The following EDEM3 variants were observed in gnomAD, a reference collection of about 807,000 sequenced individuals.
EDEM3 encodes the protein ER degradation-enhancing alpha-mannosidase-like protein 3.
Under a neutral mutation model 110.2 loss-of-function variants are expected in EDEM3, and 60 were observed. The observed-to-expected ratio is 0.54, with a 90% CI of 0.44 to 0.67. EDEM3 has a LOEUF of 0.67. EDEM3 is among the 30% of genes least tolerant of loss of function. EDEM3 has a pLI of 0.00. For missense variants in EDEM3, 996 were observed against 1,121.0 expected (o/e 0.89, Z 1.59); for synonymous variants, 352 against 382.9 (o/e 0.92, Z 0.94).
chr1:184,750,578 T>C (rs545618524), intron 1 of EDEM3, among the ~76,000 whole-genome samples: 20 of 150,864 alleles, frequency 1.3e-4, no homozygotes, highest in African/African-American at 4.9e-4. Flanking sequence ...AGTGGCACGA[T>C]CTCAGCTCAC....
chr1:184,732,766 G>C (rs1651596963), intron 6 of EDEM3, 71 bp downstream of exon 6: 1 of 1,457,350 alleles, frequency 6.9e-7, no homozygotes, highest in South Asian at 1.4e-5. Flanking sequence ...CAATGGCTCT[G>C]ATCACAAAAC....
At chr1:184,738,587 G>T (rs1441028729) in intron 2 of EDEM3, among the ~76,000 whole-genome samples, 1 of 149,624 alleles carries the variant, frequency 6.7e-6, no homozygotes, top group African/African-American at 2.5e-5. Flanking sequence ...CTAATTTTTG[G>T]TAAATGCTAC....
At chr1:184,724,202 C>G (rs74458677) in intron 7 of EDEM3, among the ~76,000 whole-genome samples, 1,727 of 152,020 alleles carry the variant, frequency 0.011, 32 homozygotes, top group African/African-American at 0.038. Context: ...ATATTAATTG[C>G]TTACATAATT....
chr1:184,754,434 C>T, intron 1 of EDEM3, 55 bp downstream of exon 1: 1 of 1,605,818 alleles, frequency 6.2e-7, no homozygotes, highest in Non-Finnish European at 8.5e-7. Context: ...TGACAGGCAC[C>T]CCTCCTGTTG....
At chr1:184,715,946 G>A (rs1650520874) in intron 13 of EDEM3, among the ~76,000 whole-genome samples, 1 of 152,142 alleles carries the variant, frequency 6.6e-6, no homozygotes, top group Non-Finnish European at 1.5e-5. Flanking sequence ...TCTATGGGTA[G>A]ATGATGAGTG....
rs764817912 is a variant in EDEM3, at chr1:184,708,326, C to A, written c.1864G>T (p.Ala622Ser). ...HAIQAASSID[A>S]EDGLRFMQEM... ...TGCATGAACCTCAACCCATCTTCAG[C>A]GTCGATTGAACTAGCAGCCTATGAA... Residue 622 changes from alanine (A) to serine (S), a missense_variant, in exon 17 of 20, where the codon GCT becomes TCT. Physicochemically the swap from Ala to Ser is moderately conservative, Grantham distance 99 (BLOSUM62 1). This residue lies in a region of EDEM3 where 345 missense variants were observed against 402.0 expected (regional missense o/e 0.86). Coordinates refer to ENST00000318130, the MANE Select transcript of EDEM3 (RefSeq NM_025191.4). The A allele has an allele frequency of 5.0e-6, 8 of 1,611,802 alleles. No individual in the cohort carries two copies. Among genetic ancestry groups the A allele is most frequent in the Non-Finnish European group, 6.8e-6 (8 of 1,179,430 alleles).
chr1:184,703,769 GA>G (rs1187842923), intron 18 of EDEM3, among the ~76,000 whole-genome samples: 2 of 152,140 alleles, frequency 1.3e-5, no homozygotes, highest in African/African-American at 2.4e-5. Flanking sequence ...GGTAATAATT[GA>G]TTAGACAAAA....
Position 184,692,168 on chromosome 1 carries a change from T to G in EDEM3, c.*1895A>C, listed in dbSNP as rs191876456. 40 of 152,268 alleles carry G rather than the reference T, an allele frequency of 2.6e-4. No homozygotes were observed. Among genetic ancestry groups the G allele is most frequent in the African/African-American group, 8.9e-4 (37 of 41,574 alleles). The allele number at this position is 152,268 out of a possible 1,614,324, so 9.4% of individuals were successfully genotyped here. ...GTCCTATAAATCAAGGCAAGTCAAG[T>G]AATTAAGCTTCAACTATTTTGGCAG... On this transcript the variant is annotated 3_prime_UTR_variant, in exon 20 of 20. Transcript: ENST00000318130.
chr1:184,710,733 C>G, intron 15 of EDEM3, among the ~76,000 whole-genome samples, 186 bp from the exon 16 acceptor site: 1 of 152,178 alleles, frequency 6.6e-6, no homozygotes, highest in Non-Finnish European at 1.5e-5. Flanking sequence ...TCAAATATAA[C>G]ATTTTCTAGT....
At chr1:184,712,849 T>G (rs1650331469) in intron 13 of EDEM3, among the ~76,000 whole-genome samples, 1 of 152,126 alleles carries the variant, frequency 6.6e-6, no homozygotes, top group Admixed American at 6.6e-5. Context: ...AGACAAGATT[T>G]TTCTATAGGC....
intron 9 of EDEM3, chr1:184,720,688 A>G (rs1650853357): frequency 6.6e-6 from 1 of 152,466 alleles, no homozygotes; most frequent in South Asian, 2.1e-4. Flanking sequence ...TAGGTGAGCA[A>G]GGAAATGGTA....
chr1:184,713,768 A>G (rs1267017951), intron 13 of EDEM3, among the ~76,000 whole-genome samples: 1 of 152,226 alleles, frequency 6.6e-6, no homozygotes, highest in African/African-American at 2.4e-5. Context: ...TTCTGTCACC[A>G]TGGGGATATT....
Position 184,754,570 on chromosome 1 carries a change from G to C in EDEM3, c.77C>G (p.Ala26Gly), listed in dbSNP as rs778169826. 1 of 1,609,728 alleles carries C rather than the reference G, an allele frequency of 6.2e-7. No homozygotes were observed. The highest frequency in any genetic ancestry group is 8.5e-7 in the Non-Finnish European group (1 of 1,178,760). The change falls in exon 1 of 20, where the codon GCC becomes GGC. Residue 26 changes from alanine (A) to glycine (G), a missense_variant. Transcript: ENST00000318130. ...GGTGGCCGACACCAGGCAGAACGCG[G>C]CCGTCGCCGCCACTAGTCTCCATCG... ...RARWRLVAAT[A>G]AFCLVSATSV...
intron 8 of EDEM3, among the ~76,000 whole-genome samples, chr1:184,722,696 A>G (rs377585843): frequency 2.0e-5 from 3 of 151,866 alleles, no homozygotes; most frequent in Admixed American, 2.0e-4. Context: ...AATAATTTTA[A>G]TATGTTTGAA....
At position 184,693,596 on chromosome 1, in the gene EDEM3, G is replaced by A. The variant is rs1649171539; in HGVS notation, c.*467C>T. ...AGGTCACTTAGAGTGTTTTGTGAAGGCAGCATAATCAGAATGCCACAATAC... is the reference window on the plus strand; with the variant it reads ...AGGTCACTTAGAGTGTTTTGTGAAGACAGCATAATCAGAATGCCACAATAC... On this transcript the variant is annotated 3_prime_UTR_variant, in exon 20 of 20. Transcript: ENST00000318130. 6.5e-6 allele frequency: 1 copy of A among 154,660 alleles called. No individual in the cohort carries two copies. Among genetic ancestry groups the A allele is most frequent in the Admixed American group, 6.4e-5 (1 of 15,652 alleles). 9.6% of individuals were successfully genotyped at this position (154,660 alleles called of 1,614,324 possible).
intron 6 of EDEM3, 50 bp from the exon 7 acceptor site, chr1:184,726,439 T>G (rs1438844118): frequency 3.2e-6 from 5 of 1,560,432 alleles, no homozygotes; most frequent in South Asian, 1.2e-5. Flanking sequence ...ACAATGACCT[T>G]CTGATAAGAA....
chr1:184,747,510 C>A (rs1302478755), intron 2 of EDEM3, among the ~76,000 whole-genome samples: 2 of 152,140 alleles, frequency 1.3e-5, no homozygotes, highest in Non-Finnish European at 2.9e-5. Context: ...GGTTACAGAC[C>A]TCACACAGAT....
intron 2 of EDEM3, among the ~76,000 whole-genome samples, chr1:184,745,203 A>C (rs1420605818): frequency 6.6e-6 from 1 of 152,120 alleles, no homozygotes; most frequent in East Asian, 1.9e-4. Context: ...GTGTGATTAC[A>C]AAATGTTTTG....
Position 184,734,479 on chromosome 1 carries a change from T to C in EDEM3, c.458+52A>G. 8 of 716,368 alleles carry C rather than the reference T, an allele frequency of 1.1e-5. 1 individual carries two copies. Among genetic ancestry groups the C allele is most frequent in the Non-Finnish European group, 1.5e-5 (8 of 518,624 alleles). 44.4% of individuals were successfully genotyped at this position (716,368 alleles called of 1,614,324 possible). A position where few individuals can be genotyped will look rare whatever the true frequency, so the allele number is the denominator to read the frequency against. ...AAGACTCTGTCTCAAAAAATATATATAAATAAATAAAAATAAAATAAAATT... is the reference window on the plus strand; with the variant it reads ...AAGACTCTGTCTCAAAAAATATATACAAATAAATAAAAATAAAATAAAATT... On this transcript the variant is annotated intron_variant, in intron 5 of 19. Coordinates refer to ENST00000318130, the MANE Select transcript of EDEM3 (RefSeq NM_025191.4).
Sources: gnomAD v4.1 joint callset for allele counts (sites outside exome capture counted in the v4.1 genomes callset) on GRCh38, gnomAD v4.1.1 for gene constraint, gnomAD v4.1.1 regional missense constraint, MANE v1.5 for transcripts, NCBI Gene and HGNC (gene_info 2026-07-23, HGNC 2026-07-21) for gene names.